PRKCB: variants seen among roughly 807,000 people sequenced by gnomAD.
PRKCB encodes protein kinase C beta.
Under a neutral mutation model 81.5 loss-of-function variants are expected in PRKCB, and 13 were observed. The ratio of observed to expected loss-of-function variants is 0.16; its 90% CI spans 0.10 to 0.25. PRKCB has a LOEUF of 0.25. Among genes scored for constraint, PRKCB ranks in the 10% least tolerant of loss-of-function variants. The probability of loss-of-function intolerance (pLI) is 1.00; values close to 1 mark genes in which losing one functional copy is unlikely to be tolerated. For missense variants in PRKCB, 509 were observed against 875.7 expected (o/e 0.58, Z 5.29); for synonymous variants, 335 against 321.4 (o/e 1.04, Z -0.45).
At chr16:24,072,588 C>CTTTTTTTTTTT (rs1200526403) in intron 5 of PRKCB, among the ~76,000 whole-genome samples, 19 of 143,840 alleles carry the variant, frequency 1.3e-4, no homozygotes, top group African/African-American at 4.4e-4. Flanking sequence ...CTCTCTCTCT[C>CTTTTTTTTTTT]TTTTTTTTTT....
chr16:24,175,312 A>T lies in PRKCB; in HGVS notation c.1394+732A>T, dbSNP rs570196548. Among the ~76,000 whole-genome samples, 8 of 152,096 alleles carry T rather than the reference A, an allele frequency of 5.3e-5. No individual in the cohort carries two copies. The South Asian group carries it at 6.2e-4, about 12-fold the overall frequency. ...GCATGGGTGGGGGTCTATTTCAAAG[A>T]TTATGAAGAACCACAAGAGTCTCTT... On this transcript the variant is annotated intron_variant, in intron 12 of 16. Coordinates refer to ENST00000643927, the MANE Select transcript of PRKCB (RefSeq NM_002738.7).
intron 1 of PRKCB, among the ~76,000 whole-genome samples, chr16:23,836,770 G>GGGGT (rs999780345): frequency 2.6e-5 from 4 of 151,320 alleles, no homozygotes; most frequent in Admixed American, 6.6e-5. Context: ...CTTGTTTCCG[G>GGGGT]GGGGGGCGGC....
chr16:23,952,746 A>G (rs1461617688), intron 2 of PRKCB, among the ~76,000 whole-genome samples: 1 of 152,030 alleles, frequency 6.6e-6, no homozygotes, highest in Non-Finnish European at 1.5e-5. Flanking sequence ...AGATTGTTAG[A>G]CCCAAATAAT....
intron 9 of PRKCB, among the ~76,000 whole-genome samples, chr16:24,129,745 A>T (rs1224551768): frequency 6.6e-6 from 1 of 152,244 alleles, no homozygotes; most frequent in African/African-American, 2.4e-5. Flanking sequence ...GTCGTCATAG[A>T]AAGATTTTCA....
intron 10 of PRKCB, among the ~76,000 whole-genome samples, chr16:24,159,418 C>T (rs556584441): frequency 6.6e-6 from 1 of 152,184 alleles, no homozygotes; most frequent in Non-Finnish European, 1.5e-5. Flanking sequence ...GAACAAAAAG[C>T]AGCAGCTAAC....
chr16:24,090,956 G>A (rs1164964198), intron 5 of PRKCB, among the ~76,000 whole-genome samples: 1 of 152,096 alleles, frequency 6.6e-6, no homozygotes, highest in East Asian at 1.9e-4. Context: ...TTTTATTTAT[G>A]CTGTGGATAT....
At chr16:24,183,685 C>T (rs1967661269) in intron 13 of PRKCB, among the ~76,000 whole-genome samples, 1 of 152,176 alleles carries the variant, frequency 6.6e-6, no homozygotes, top group South Asian at 2.1e-4. Flanking sequence ...CCTCACATAA[C>T]TTCATGATAT....
At chr16:23,840,125 C>T (rs1276741682) in intron 2 of PRKCB, among the ~76,000 whole-genome samples, 2 of 152,178 alleles carry the variant, frequency 1.3e-5, no homozygotes, top group Non-Finnish European at 2.9e-5. Context: ...GGAAATTTAT[C>T]CCTGGTACTC....
chr16:24,217,824 C>G lies in PRKCB; in HGVS notation c.*3008C>G. 2 of 985,488 alleles carry G rather than the reference C, an allele frequency of 2.0e-6. No homozygotes were observed. Among genetic ancestry groups the G allele is most frequent in the South Asian group, 4.7e-5 (1 of 21,288 alleles). 61.0% of individuals were successfully genotyped at this position (985,488 alleles called of 1,614,324 possible). ...CCAAATATACCTGCCTTTTAGCTCA[C>G]ACACTGTCCTGGAGTTCTCAGACCT... On this transcript the variant is annotated 3_prime_UTR_variant, in exon 17 of 17. Coordinates refer to ENST00000643927, the MANE Select transcript of PRKCB (RefSeq NM_002738.7).
At chr16:24,190,073 C>T (rs911900173) in intron 15 of PRKCB, among the ~76,000 whole-genome samples, 15 of 152,112 alleles carry the variant, frequency 9.9e-5, no homozygotes, top group African/African-American at 3.4e-4. Flanking sequence ...ATCTATTCAT[C>T]TTGTTATTTA....
chr16:24,172,715 G>T (rs891395087), intron 11 of PRKCB, among the ~76,000 whole-genome samples: 6 of 152,026 alleles, frequency 3.9e-5, no homozygotes, highest in African/African-American at 1.4e-4. Context: ...GCATGGTGGC[G>T]CACAGCTGTA....
intron 2 of PRKCB, among the ~76,000 whole-genome samples, chr16:23,964,385 C>CTA (rs1357314103): frequency 6.6e-6 from 1 of 152,192 alleles, no homozygotes; most frequent in African/African-American, 2.4e-5. Context: ...TGCCTTTGCG[C>CTA]TACAAGGATG....
At chr16:24,152,062 G>A (rs973763648) in intron 9 of PRKCB, among the ~76,000 whole-genome samples, 1 of 152,206 alleles carries the variant, frequency 6.6e-6, no homozygotes, top group African/African-American at 2.4e-5. Context: ...GTTGGATGGT[G>A]CCTTGACCGG....
At chr16:23,995,416 C>A (rs1047830096) in intron 3 of PRKCB, among the ~76,000 whole-genome samples, 1 of 152,114 alleles carries the variant, frequency 6.6e-6, no homozygotes, top group Non-Finnish European at 1.5e-5. Flanking sequence ...GGGCCTTTGG[C>A]AAGCCTTTAT....
chr16:23,910,264 G>A (rs1398513500), intron 2 of PRKCB, among the ~76,000 whole-genome samples: 3 of 152,126 alleles, frequency 2.0e-5, no homozygotes, highest in Admixed American at 6.5e-5. Context: ...CATAGAAGGC[G>A]GCCATCAACA....
At chr16:24,162,441 A>ATTTTTTTTTTTT (rs1567397400) in intron 10 of PRKCB, among the ~76,000 whole-genome samples, 2 of 119,802 alleles carry the variant, frequency 1.7e-5, no homozygotes, top group Non-Finnish European at 1.7e-5. Flanking sequence ...AACAGAGAAG[A>ATTTTTTTTTTTT]CTTTTTTTTT....
At chr16:23,855,215 G>T (rs1234135501) in intron 2 of PRKCB, among the ~76,000 whole-genome samples, 2 of 152,096 alleles carry the variant, frequency 1.3e-5, no homozygotes, top group Non-Finnish European at 2.9e-5. Context: ...AACACAGTGT[G>T]GTCAGTGTGA....
At chr16:24,144,815 A>G (rs12934239) in intron 9 of PRKCB, among the ~76,000 whole-genome samples, 16,370 of 152,236 alleles carry the variant, frequency 0.11, 1,133 homozygotes, top group South Asian at 0.19. Context: ...TACTCATGAA[A>G]TCCTTTCATT....
chr16:23,858,232 AAAGCAAGCTT>A (rs1962604627), intron 2 of PRKCB, among the ~76,000 whole-genome samples: 1 of 152,228 alleles, frequency 6.6e-6, no homozygotes, highest in African/African-American at 2.4e-5. Context: ...TGTAGATAAG[AAAGCAAGCTT>A]AGAGAAGATA....
Sources: gnomAD v4.1 joint callset for allele counts (sites outside exome capture counted in the v4.1 genomes callset) on GRCh38, gnomAD v4.1.1 for gene constraint, MANE v1.5 for transcripts, NCBI Gene and HGNC (gene_info 2026-07-23, HGNC 2026-07-21) for gene names.